ANGPT1: variants seen among roughly 807,000 people sequenced by gnomAD.
The protein encoded by ANGPT1 is angiopoietin 1.
A neutral mutation model predicts 62.2 loss-of-function variants in ANGPT1; 17 were observed. The ratio of observed to expected loss-of-function variants is 0.27; its 90% CI spans 0.19 to 0.41. The LOEUF is 0.41. Among genes scored for constraint, ANGPT1 ranks in the 10% least tolerant of loss-of-function variants. ANGPT1 has a pLI of 1.00. For synonymous variants in ANGPT1, 199 were observed against 198.9 expected, an observed-to-expected ratio of 1.00 and a Z score of 0.00; for missense variants, 478 against 594.9, an observed-to-expected ratio of 0.80 and a Z score of 2.04.
intron 1 of ANGPT1, among the ~76,000 whole-genome samples, chr8:107,433,923 C>T (rs1169531718): frequency 2.0e-5 from 3 of 152,162 alleles, no homozygotes; most frequent in African/African-American, 7.2e-5. Flanking sequence ...ATAAATTCAT[C>T]AAGCTCCTAC....
intron 3 of ANGPT1, among the ~76,000 whole-genome samples, chr8:107,334,099 G>A (rs1426351030): frequency 6.6e-6 from 1 of 151,908 alleles, no homozygotes; most frequent in Admixed American, 6.6e-5. Context: ...GAGTACAAGT[G>A]GTGCATAAGG....
chr8:107,327,165 A>C (rs1815309498), intron 3 of ANGPT1, among the ~76,000 whole-genome samples: 1 of 152,128 alleles, frequency 6.6e-6, no homozygotes, highest in Non-Finnish European at 1.5e-5. Flanking sequence ...GAATTTTCTT[A>C]AATACTACCC....
chr8:107,404,064 T>C (rs2130338657), intron 1 of ANGPT1, among the ~76,000 whole-genome samples: 1 of 152,312 alleles, frequency 6.6e-6, no homozygotes, highest in East Asian at 1.9e-4. Flanking sequence ...CCTGTGAGAA[T>C]GCCTTCCACT....
At position 107,467,936 on chromosome 8, in the gene ANGPT1, TTTTATCA is replaced by T. The variant is rs1441326369; in HGVS notation, c.297+29319_297+29325del. ...TAGATGTTAGACAGCATTAAATCCC[TTTTATCA>T]GATGAGAAATCTGATGCTCGGAAAG... On this transcript the variant is annotated intron_variant, in intron 1 of 8. Transcript: ENST00000517746. Among the ~76,000 whole-genome samples, 9 of 152,248 alleles carry T rather than the reference TTTTATCA, an allele frequency of 5.9e-5. No homozygotes were observed. The East Asian group carries it at 1.7e-3, about 29-fold the overall frequency.
At chr8:107,388,229 A>G (rs1213162712) in intron 1 of ANGPT1, among the ~76,000 whole-genome samples, 1 of 152,094 alleles carries the variant, frequency 6.6e-6, no homozygotes, top group East Asian at 1.9e-4. Context: ...ACCGGGCAAC[A>G]TAGCAAGACC....
At chr8:107,487,496 T>C (rs1246142762) in intron 1 of ANGPT1, among the ~76,000 whole-genome samples, 3 of 152,050 alleles carry the variant, frequency 2.0e-5, no homozygotes, top group Non-Finnish European at 4.4e-5. Context: ...AGGCCTAACA[T>C]TGGAGCCTTC....
Position 107,300,426 on chromosome 8 carries a change from A to G in ANGPT1, c.936+2814T>C, listed in dbSNP as rs73311607. 5.2e-3 allele frequency among the ~76,000 whole-genome samples: 789 copies of G among 151,834 alleles called. 10 individuals are homozygous for G. The highest frequency in any genetic ancestry group is 0.016 in the African/African-American group (652 of 41,470). On this transcript the variant is annotated intron_variant, in intron 5 of 8. Transcript: ENST00000517746. ...AATGTTACTACTTGTAAGAGAATCTATGATTATAATAGGGAAATAATAAAA... is the reference window on the plus strand; with the variant it reads ...AATGTTACTACTTGTAAGAGAATCTGTGATTATAATAGGGAAATAATAAAA...
intron 1 of ANGPT1, among the ~76,000 whole-genome samples, chr8:107,438,296 A>ATCT (rs972794314): frequency 2.7e-5 from 4 of 149,962 alleles, no homozygotes; most frequent in African/African-American, 7.4e-5. Context: ...TGATATCATC[A>ATCT]TCTTCTTCTT....
intron 1 of ANGPT1, among the ~76,000 whole-genome samples, chr8:107,438,175 C>A (rs1811378714): frequency 6.6e-6 from 1 of 152,188 alleles, no homozygotes; most frequent in Admixed American, 6.5e-5. Flanking sequence ...ACTACAGAAT[C>A]ATTTGTTAAT....
chr8:107,348,484 C>T (rs1283662), intron 1 of ANGPT1, among the ~76,000 whole-genome samples: 125,397 of 151,988 alleles, frequency 0.83, 51,956 homozygotes, highest in East Asian at 0.99. Context: ...TCATTCTTGG[C>T]CAATATAAGA....
In ANGPT1 at chr8:107,497,565, G is replaced by C. The variant is rs550943629; in HGVS notation, c.-7C>G. The stretch of plus-strand genomic sequence containing the variant: ...AGGAAAGGAAAACTGTCATTGTACT[G>C]CCAGCACACTCCTTCCGTGCCTCTC... On this transcript the variant is annotated 5_prime_UTR_variant, in exon 1 of 9. Transcript: ENST00000517746. 2 of 1,611,206 alleles carry C rather than the reference G, an allele frequency of 1.2e-6. No homozygotes were observed. The highest frequency in any genetic ancestry group is 1.3e-5 in the African/African-American group (1 of 74,860).
chr8:107,346,852 T>G (rs1815814709), intron 2 of ANGPT1, 90 bp downstream of exon 2: 1 of 1,166,048 alleles, frequency 8.6e-7, no homozygotes, highest in African/African-American at 1.5e-5. Flanking sequence ...CTAATCACAG[T>G]GCTGAAATGT....
At chr8:107,389,129 G>A (rs1816787513) in intron 1 of ANGPT1, among the ~76,000 whole-genome samples, 2 of 152,098 alleles carry the variant, frequency 1.3e-5, no homozygotes, top group Non-Finnish European at 2.9e-5. Context: ...CAAATGTAGT[G>A]ATATGAAAAT....
At position 107,264,352 on chromosome 8, in the gene ANGPT1, C is replaced by T; in HGVS notation, c.1206-1G>A. On this transcript the variant is annotated splice_acceptor_variant, in intron 7 of 8. Transcript: ENST00000517746. LOFTEE classifies it high-confidence loss of function. ...CCCAGTGTGACCTTTTAAATACAAC[C>T]TGAAGTCAAAAAGAAAAAAAAGAAA... 6.2e-7 allele frequency: 1 copy of T among 1,611,128 alleles called. No homozygotes were observed. The highest frequency in any genetic ancestry group is 8.5e-7 in the Non-Finnish European group (1 of 1,179,052).
intron 5 of ANGPT1, among the ~76,000 whole-genome samples, chr8:107,299,538 G>T (rs1586200525): frequency 7.7e-6 from 1 of 129,518 alleles, no homozygotes; most frequent in Non-Finnish European, 1.5e-5. Flanking sequence ...CATATATATA[G>T]ATATTTAGAT....
intron 1 of ANGPT1, among the ~76,000 whole-genome samples, chr8:107,424,616 T>C (rs1025938621): frequency 2.6e-5 from 4 of 152,146 alleles, no homozygotes; most frequent in African/African-American, 4.8e-5. Flanking sequence ...AACACATCCA[T>C]TGGGAGGATT....
intron 6 of ANGPT1, among the ~76,000 whole-genome samples, chr8:107,292,539 G>C (rs536090605): frequency 1.3e-5 from 2 of 152,124 alleles, no homozygotes; most frequent in East Asian, 3.9e-4. Flanking sequence ...TTTTTATCTA[G>C]GTGAAATATT....
At chr8:107,321,539 T>C (rs577201725) in intron 4 of ANGPT1, among the ~76,000 whole-genome samples, 1 of 152,276 alleles carries the variant, frequency 6.6e-6, no homozygotes, top group South Asian at 2.1e-4. Context: ...TATGAACTAA[T>C]TTTTAACATT....
chr8:107,303,371 CAAA>C lies in ANGPT1; in HGVS notation c.809-7_809-5del, dbSNP rs149628829. 201 of 1,426,544 alleles carry C rather than the reference CAAA, an allele frequency of 1.4e-4. No homozygotes were observed. Among genetic ancestry groups the C allele is most frequent in the South Asian group, 3.0e-4 (23 of 77,414 alleles). 88.4% of individuals were successfully genotyped at this position (1,426,544 alleles called of 1,614,324 possible). A position where few individuals can be genotyped will look rare whatever the true frequency, so the allele number is the denominator to read the frequency against. On this transcript the variant is annotated splice_polypyrimidine_tract_variant and splice_region_variant and intron_variant, in intron 4 of 8. Transcript: ENST00000517746. ...CTTTTTCCTCCCTTTAGTAAAACTG[CAAA>C]AAAAAAAAAAAAGATTGCAATATGT...
Sources: allele counts gnomAD v4.1 joint callset (sites outside exome capture counted in the v4.1 genomes callset), GRCh38; gene constraint gnomAD v4.1.1; transcripts MANE v1.5; gene names NCBI Gene and HGNC (gene_info 2026-07-23, HGNC 2026-07-21).